Variants in SPATA6 observed in about 807,000 individuals in gnomAD.
The protein encoded by SPATA6 is spermatogenesis associated 6, also known as spermatogenesis-associated protein 6.
Under a neutral mutation model 65.3 loss-of-function variants are expected in SPATA6, and 56 were observed. The observed-to-expected ratio is 0.86, with a 90% CI of 0.69 to 1.07. SPATA6 has a LOEUF of 1.07. Among genes scored for constraint, SPATA6 ranks in the 50% least tolerant of loss-of-function variants. The pLI is 0.00. For missense variants in SPATA6, 590 were observed against 594.8 expected (o/e 0.99, Z 0.08); for synonymous variants, 199 against 213.2 (o/e 0.93, Z 0.58).
Position 48,387,092 on chromosome 1 carries a change from G to A in SPATA6, c.869-1743C>T, listed in dbSNP as rs917469763. ...CAGAAGGCAAGGAAGAGCAAGTCAC[G>A]TCTTACATGGATGGCAGCAGGCAAA... On this transcript the variant is annotated intron_variant, in intron 8 of 12. Transcript: ENST00000371847. Among the ~76,000 whole-genome samples, 6 of 152,172 alleles carry A rather than the reference G, an allele frequency of 3.9e-5. No individual in the cohort carries two copies. In the South Asian group the frequency reaches 8.3e-4, roughly 21 times the overall value.
chr1:48,306,031 G>C (rs1645054238), intron 11 of SPATA6, among the ~76,000 whole-genome samples, 153 bp from the exon 12 acceptor site: 1 of 151,892 alleles, frequency 6.6e-6, no homozygotes, highest in Non-Finnish European at 1.5e-5. Flanking sequence ...GGGGAAAAAG[G>C]TTAAGTGATG....
chr1:48,366,153 C>G (rs1557620380), intron 9 of SPATA6, among the ~76,000 whole-genome samples: 1 of 152,148 alleles, frequency 6.6e-6, no homozygotes, highest in South Asian at 2.1e-4. Context: ...CCCACTTGAT[C>G]ATGGTGGATA....
At chr1:48,300,029 G>A (rs1569974721) in intron 12 of SPATA6, among the ~76,000 whole-genome samples, 2 of 152,260 alleles carry the variant, frequency 1.3e-5, no homozygotes, top group Non-Finnish European at 2.9e-5. Flanking sequence ...GAGAGAGAGA[G>A]AGCGAGCGCA....
At chr1:48,375,263 G>T (rs1275933368) in intron 9 of SPATA6, among the ~76,000 whole-genome samples, 1 of 147,084 alleles carries the variant, frequency 6.8e-6, no homozygotes, top group Non-Finnish European at 1.5e-5. Flanking sequence ...TCTATTAATT[G>T]CAAATTTGTA....
At chr1:48,287,674 T>C in the SPATA6 span, among the ~76,000 whole-genome samples, 3 of 152,250 alleles carry the variant, frequency 2.0e-5, no homozygotes, top group South Asian at 6.2e-4. Flanking sequence ...CCTTCTGCCA[T>C]GATTATGAGC....
intron 11 of SPATA6, among the ~76,000 whole-genome samples, chr1:48,330,913 T>C (rs1033350536): frequency 6.6e-6 from 1 of 152,144 alleles, no homozygotes; most frequent in Admixed American, 6.5e-5. Flanking sequence ...GGGAGCTCCA[T>C]GGACCACAAC....
intron 1 of SPATA6, among the ~76,000 whole-genome samples, chr1:48,470,355 A>G (rs1382046774): frequency 1.3e-5 from 2 of 152,190 alleles, no homozygotes; most frequent in East Asian, 3.9e-4. Flanking sequence ...AAAATCTATT[A>G]AGGCTGAACT....
At chr1:48,344,344 T>C (rs1451322500) in intron 11 of SPATA6, 1 of 152,046 alleles carries the variant, frequency 6.6e-6, no homozygotes, top group Non-Finnish European at 1.5e-5. Flanking sequence ...GGGAATTCAT[T>C]ACCACCAGAC....
chr1:48,404,552 A>G (rs1172272118), intron 5 of SPATA6, among the ~76,000 whole-genome samples: 2 of 152,082 alleles, frequency 1.3e-5, no homozygotes, highest in African/African-American at 4.8e-5. Context: ...TATGTCATGC[A>G]GGCTGGTGTC....
intron 9 of SPATA6, among the ~76,000 whole-genome samples, chr1:48,360,065 A>G (rs1646767729): frequency 6.6e-6 from 1 of 152,134 alleles, no homozygotes; most frequent in Non-Finnish European, 1.5e-5. Flanking sequence ...TGTGTATCTA[A>G]AACAAAGAAT....
chr1:48,347,665 C>T (rs1243688441), intron 11 of SPATA6, among the ~76,000 whole-genome samples: 1 of 151,732 alleles, frequency 6.6e-6, no homozygotes, highest in African/African-American at 2.4e-5. Context: ...GTAGTGCTTA[C>T]TATCCCAGAG....
chr1:48,421,046 G>A (rs1653279331), intron 3 of SPATA6, among the ~76,000 whole-genome samples: 1 of 152,136 alleles, frequency 6.6e-6, no homozygotes, highest in Non-Finnish European at 1.5e-5. Flanking sequence ...GGTAGGTTAA[G>A]AGGAAGAGAG....
At chr1:48,430,183 G>A (rs941614388) in intron 3 of SPATA6, among the ~76,000 whole-genome samples, 3 of 152,096 alleles carry the variant, frequency 2.0e-5, no homozygotes, top group South Asian at 2.1e-4. Flanking sequence ...GTACCACAAT[G>A]AGACACATTA....
chr1:48,281,534 C>T, the SPATA6 span, among the ~76,000 whole-genome samples: 1 of 152,044 alleles, frequency 6.6e-6, no homozygotes, highest in Non-Finnish European at 1.5e-5. Flanking sequence ...TTCTTATACA[C>T]CAATAACAGA....
intron 3 of SPATA6, among the ~76,000 whole-genome samples, chr1:48,433,296 G>T (rs1654578896): frequency 6.6e-6 from 1 of 152,068 alleles, no homozygotes; most frequent in Admixed American, 6.5e-5. Flanking sequence ...CATTATGTAT[G>T]TTTTACTGTA....
chr1:48,458,090 A>G (rs1657145475), intron 1 of SPATA6, among the ~76,000 whole-genome samples: 1 of 151,746 alleles, frequency 6.6e-6, no homozygotes, highest in Admixed American at 6.6e-5. Context: ...TAAACCCCAG[A>G]CAAGCACTAA....
At chr1:48,423,831 G>A (rs1017968188) in intron 3 of SPATA6, among the ~76,000 whole-genome samples, 4 of 151,994 alleles carry the variant, frequency 2.6e-5, no homozygotes, top group Admixed American at 6.5e-5. Flanking sequence ...ACAGGCATGA[G>A]CCACTGCATC....
At chr1:48,430,597 C>T (rs892777979) in intron 3 of SPATA6, among the ~76,000 whole-genome samples, 1 of 152,120 alleles carries the variant, frequency 6.6e-6, no homozygotes, top group Non-Finnish European at 1.5e-5. Context: ...ATTACTATAA[C>T]AATGGGTTGT....
Position 48,399,370 on chromosome 1 carries a change from G to T in SPATA6, c.761C>A (p.Pro254His), listed in dbSNP as rs774408561. ...PYEFKKETDK[P>H]PFVIRHVDPP... The stretch of plus-strand genomic sequence containing the variant: ...ACATACATGTCTAATCACAAATGGA[G>T]GTTTATCTGTTTCTTTTTTGAACTC... The change falls in exon 7 of 13, where the codon CCT becomes CAT. Residue 254 changes from proline (P) to histidine (H), a missense_variant. Coordinates refer to ENST00000371847, the MANE Select transcript of SPATA6 (RefSeq NM_019073.4). 6.2e-7 allele frequency: 1 copy of T among 1,612,506 alleles called. No homozygotes were observed.
Sources: gnomAD v4.1 joint callset for allele counts (sites outside exome capture counted in the v4.1 genomes callset) on GRCh38, gnomAD v4.1.1 for gene constraint, MANE v1.5 for transcripts, NCBI Gene and HGNC (gene_info 2026-07-23, HGNC 2026-07-21) for gene names.